The following CACNG3 variants were observed in gnomAD, a reference collection of about 807,000 sequenced individuals.
CACNG3 encodes the protein calcium voltage-gated channel auxiliary subunit gamma 3, also known as voltage-dependent calcium channel gamma-3 subunit.
In CACNG3, 3 loss-of-function variants were observed where a neutral mutation model predicts 28.5. The observed-to-expected ratio is 0.11, with a 90% CI of 0.05 to 0.27. The LOEUF (loss-of-function observed/expected upper bound fraction) is 0.27, where lower values mean the gene tolerates loss of function less well. CACNG3 is among the 10% of genes least tolerant of loss of function. CACNG3 has a pLI of 1.00. For missense variants in CACNG3, 236 were observed against 414.4 expected (o/e 0.57, Z 3.74); for synonymous variants, 174 against 162.2 (o/e 1.07, Z -0.55).
chr16:24,334,025 A>T (rs1596646660), intron 1 of CACNG3, among the ~76,000 whole-genome samples: 1 of 152,198 alleles, frequency 6.6e-6, no homozygotes, highest in East Asian at 1.9e-4. Flanking sequence ...TTCTCAGATA[A>T]TAAAGATCTG....
At position 24,361,582 on chromosome 16, in the gene CACNG3, C is replaced by T; in HGVS notation, c.667C>T (p.Arg223Cys). 5 of 1,613,962 alleles carry T rather than the reference C, an allele frequency of 3.1e-6. No individual in the cohort carries two copies. The highest frequency in any genetic ancestry group is 3.4e-6 in the Non-Finnish European group (4 of 1,179,952). ...GTTCCTGAAGAAATCTACTTTTGCC[C>T]GCCTCCCACCCTACAGGTATCGATT... is the stretch of plus-strand genomic sequence containing the variant. ...SEFLKKSTFA[R>C]LPPYRYRFRR... The change falls in exon 4 of 4, where the codon CGC (arginine) becomes TGC (cysteine). Residue 223 changes from arginine to cysteine, a missense_variant. Around this residue, in one of 2 missense-constraint regions of CACNG3, gnomAD observed 116 missense variants for 151.0 expected, o/e 0.77. Coordinates refer to ENST00000005284, the MANE Select transcript of CACNG3 (RefSeq NM_006539.4). The surrounding 1 kb of genome is among the most constrained non-coding windows in gnomAD (Gnocchi z 6.8).
chr16:24,358,759 AC>A (rs58776832), intron 3 of CACNG3, among the ~76,000 whole-genome samples: 1,906 of 152,250 alleles, frequency 0.013, 45 homozygotes, highest in African/African-American at 0.043. Flanking sequence ...TCTCACTTCA[AC>A]CATTTTCTAT....
chr16:24,316,349 A>G (rs994921721), intron 1 of CACNG3, among the ~76,000 whole-genome samples: 2 of 151,446 alleles, frequency 1.3e-5, no homozygotes, highest in South Asian at 2.1e-4. Flanking sequence ...TTCCCAGGGC[A>G]GCACCCTCAC....
intron 1 of CACNG3, among the ~76,000 whole-genome samples, chr16:24,266,943 C>A (rs1898617221): frequency 6.6e-6 from 1 of 151,432 alleles, no homozygotes; most frequent in African/African-American, 2.4e-5. Flanking sequence ...TGCCAAGGAA[C>A]TAGGGAAATA....
In CACNG3 at chr16:24,361,219, T is replaced by G. The variant is rs1434505788; in HGVS notation, c.437-133T>G. 4.2e-6 allele frequency: 3 copies of G among 708,324 alleles called. No individual in the cohort carries two copies. Among genetic ancestry groups the G allele is most frequent in the East Asian group, 5.2e-5 (2 of 38,428 alleles). 43.9% of individuals were successfully genotyped at this position (708,324 alleles called of 1,614,324 possible). A position where few individuals can be genotyped will look rare whatever the true frequency, so the allele number is the denominator to read the frequency against. ...GACCATGCAAGAAGAACTAGGTGGT[T>G]GGATTTCCCAGCTATAATCCATTCT... On this transcript the variant is annotated intron_variant, in intron 3 of 3. Transcript: ENST00000005284. The surrounding 1 kb of genome is among the most constrained non-coding windows in gnomAD (Gnocchi z 6.8).
At chr16:24,278,699 G>A (rs929560390) in intron 1 of CACNG3, among the ~76,000 whole-genome samples, 2 of 152,060 alleles carry the variant, frequency 1.3e-5, no homozygotes, top group African/African-American at 2.4e-5. Context: ...TAACTTACAC[G>A]ATTACATCTG....
At chr16:24,306,945 C>T (rs1039064851) in intron 1 of CACNG3, among the ~76,000 whole-genome samples, 2 of 152,110 alleles carry the variant, frequency 1.3e-5, no homozygotes, top group African/African-American at 4.8e-5. Flanking sequence ...AGTTCTTATC[C>T]GACACAACTG....
chr16:24,330,984 C>CATAAAAT (rs1336342092), intron 1 of CACNG3, among the ~76,000 whole-genome samples: 1 of 152,134 alleles, frequency 6.6e-6, no homozygotes, highest in African/African-American at 2.4e-5. Flanking sequence ...TTTTTGTAAA[C>CATAAAAT]ATCAAATATC....
At chr16:24,345,593 G>C (rs997028474) in intron 1 of CACNG3, among the ~76,000 whole-genome samples, 1 of 152,166 alleles carries the variant, frequency 6.6e-6, no homozygotes, top group Non-Finnish European at 1.5e-5. Flanking sequence ...CCAGTTACTC[G>C]GGAGGCTGAG....
At chr16:24,356,838 G>A (rs970327463) in intron 3 of CACNG3, among the ~76,000 whole-genome samples, 4 of 152,280 alleles carry the variant, frequency 2.6e-5, no homozygotes, top group African/African-American at 4.8e-5. Flanking sequence ...AAGTTTAATT[G>A]ACTCACAGTT....
At chr16:24,347,881 T>C (rs1899890507) in intron 2 of CACNG3, among the ~76,000 whole-genome samples, 1 of 152,188 alleles carries the variant, frequency 6.6e-6, no homozygotes, top group Non-Finnish European at 1.5e-5. Context: ...TTCATTTTTT[T>C]CTGAAATGGA....
At chr16:24,270,640 G>A (rs1898674850) in intron 1 of CACNG3, among the ~76,000 whole-genome samples, 1 of 152,218 alleles carries the variant, frequency 6.6e-6, no homozygotes, top group African/African-American at 2.4e-5. Context: ...AGGAAATCAG[G>A]TCTGGACCAC....
chr16:24,272,707 T>C (rs1345033182), intron 1 of CACNG3, among the ~76,000 whole-genome samples: 3 of 152,204 alleles, frequency 2.0e-5, no homozygotes, highest in African/African-American at 7.2e-5. Context: ...ATTGAATTTA[T>C]TAGATTTTTT....
chr16:24,309,878 G>A (rs1438492483), intron 1 of CACNG3, among the ~76,000 whole-genome samples: 2 of 152,152 alleles, frequency 1.3e-5, no homozygotes, highest in Non-Finnish European at 2.9e-5. Context: ...ATGAGGGCTG[G>A]ACAGTGGACA....
intron 1 of CACNG3, among the ~76,000 whole-genome samples, chr16:24,327,812 A>T (rs1899578304): frequency 6.6e-6 from 1 of 151,910 alleles, no homozygotes; most frequent in Non-Finnish European, 1.5e-5. Context: ...CATAGTGGTG[A>T]GCAACTGTAG....
At chr16:24,279,325 A>T (rs1898790583) in intron 1 of CACNG3, among the ~76,000 whole-genome samples, 1 of 152,110 alleles carries the variant, frequency 6.6e-6, no homozygotes, top group Non-Finnish European at 1.5e-5. Context: ...ACAGGGTCTC[A>T]CTCTGTTGGC....
intron 1 of CACNG3, among the ~76,000 whole-genome samples, chr16:24,275,596 T>G (rs974294358): frequency 2.0e-5 from 3 of 152,186 alleles, no homozygotes; most frequent in African/African-American, 7.2e-5. Context: ...ACAGGTAAAT[T>G]ATGGTTATTC....
At chr16:24,330,529 T>TGGCTTGGAGCACTGCTATG (rs1362045030) in intron 1 of CACNG3, among the ~76,000 whole-genome samples, 2 of 152,194 alleles carry the variant, frequency 1.3e-5, no homozygotes, top group African/African-American at 4.8e-5. Flanking sequence ...CTGCTATGCA[T>TGGCTTGGAGCACTGCTATG]CAGAATCTTG....
At chr16:24,291,284 C>T (rs1481043910) in intron 1 of CACNG3, among the ~76,000 whole-genome samples, 1 of 152,186 alleles carries the variant, frequency 6.6e-6, no homozygotes, top group Admixed American at 6.5e-5. Context: ...CAAAGGGACA[C>T]TCAGAATGAC....
Sources: gnomAD v4.1 joint callset for allele counts (sites outside exome capture counted in the v4.1 genomes callset) on GRCh38, gnomAD v4.1.1 for gene constraint, gnomAD v4.1.1 regional missense constraint, Gnocchi (gnomAD v3.1) non-coding constraint, MANE v1.5 for transcripts, NCBI Gene and HGNC (gene_info 2026-07-23, HGNC 2026-07-21) for gene names.